Variants in CHLSN observed in about 807,000 individuals in gnomAD.
CHLSN encodes cholesin, also known as protein cholesin.
chr7:987,027 G>A, the CHLSN span: 2 of 1,412,542 alleles, frequency 1.4e-6, no homozygotes, highest in South Asian at 3.0e-5. Flanking sequence ...ATCCATAGTG[G>A]AGCCCAGGGC....
the CHLSN span, among the ~76,000 whole-genome samples, chr7:1,005,969 G>A: frequency 2.6e-5 from 4 of 152,254 alleles, no homozygotes; most frequent in South Asian, 2.1e-4. Flanking sequence ...TGCCCCCAAC[G>A]TGAACACCCA....
the CHLSN span, among the ~76,000 whole-genome samples, chr7:1,086,564 T>A: frequency 2.0e-5 from 3 of 152,234 alleles, no homozygotes; most frequent in Non-Finnish European, 2.9e-5. Flanking sequence ...TGAAAGACTT[T>A]AAATTGCTAT....
At chr7:1,079,580 A>G in the CHLSN span, among the ~76,000 whole-genome samples, 1 of 152,256 alleles carries the variant, frequency 6.6e-6, no homozygotes, top group African/African-American at 2.4e-5. Flanking sequence ...TCAATAAACC[A>G]GCGTGCTGAG....
the CHLSN span, among the ~76,000 whole-genome samples, chr7:1,084,272 G>A: frequency 7.1e-3 from 1,087 of 152,344 alleles, 12 homozygotes; most frequent in Middle Eastern, 0.02. Context: ...CATGTCACGC[G>A]GAGGCGGGGG....
the CHLSN span, among the ~76,000 whole-genome samples, chr7:1,016,135 G>T: frequency 7.2e-5 from 4 of 55,892 alleles, no homozygotes; most frequent in Admixed American, 3.9e-4. Context: ...AGCAGCACAC[G>T]CCAGCACACA....
At chr7:1,118,812 A>G in the CHLSN span, among the ~76,000 whole-genome samples, 1 of 151,336 alleles carries the variant, frequency 6.6e-6, no homozygotes, top group South Asian at 2.1e-4. Flanking sequence ...AAAAAAAAAA[A>G]AAAAAAAAAA....
chr7:1,129,589 G>GT, the CHLSN span, among the ~76,000 whole-genome samples: 1 of 152,214 alleles, frequency 6.6e-6, no homozygotes, highest in African/African-American at 2.4e-5. Flanking sequence ...GTAACCACAG[G>GT]CGCATGCCAC....
the CHLSN span, among the ~76,000 whole-genome samples, chr7:1,027,662 G>C: frequency 2.0e-5 from 3 of 152,276 alleles, no homozygotes; most frequent in African/African-American, 7.2e-5. Flanking sequence ...AGTTGACACA[G>C]CTTCGCACTA....
At chr7:1,060,813 C>A in the CHLSN span, among the ~76,000 whole-genome samples, 54 of 152,368 alleles carry the variant, frequency 3.5e-4, no homozygotes, top group East Asian at 8.3e-3. Context: ...GGTGTAAGGG[C>A]CGCGTCTCTG....
At chr7:1,037,514 C>T in the CHLSN span, among the ~76,000 whole-genome samples, 4 of 142,592 alleles carry the variant, frequency 2.8e-5, no homozygotes, top group Admixed American at 7.0e-5. Context: ...CCCGAGGTGC[C>T]GGGATTGCAG....
the CHLSN span, chr7:983,370 C>A: frequency 6.6e-7 from 1 of 1,525,664 alleles, no homozygotes; most frequent in East Asian, 2.5e-5. Flanking sequence ...CGCAACAGGA[C>A]CGGTCCCTGA....
chr7:1,050,455 C>T, the CHLSN span, among the ~76,000 whole-genome samples: 1 of 152,246 alleles, frequency 6.6e-6, no homozygotes, highest in African/African-American at 2.4e-5. Flanking sequence ...CCATCGGTCC[C>T]TGTGGCTTGG....
chr7:997,710 A>ATCAGGGCTTCCGCCTTCTGCACCGTCAGC, the CHLSN span: 1 of 1,611,454 alleles, frequency 6.2e-7, no homozygotes. Flanking sequence ...CAGCTCCCGC[A>ATCAGGGCTTCCGCCTTCTGCACCGTCAGC]TCAGGGCTTC....
the CHLSN span, chr7:1,000,365 G>C: frequency 1.0e-6 from 1 of 971,788 alleles, no homozygotes; most frequent in South Asian, 1.6e-5. Flanking sequence ...CGGGAGACGT[G>C]CCTGCCCCGC....
the CHLSN span, among the ~76,000 whole-genome samples, chr7:1,037,017 G>A: frequency 6.8e-6 from 1 of 147,242 alleles, no homozygotes; most frequent in Non-Finnish European, 1.5e-5. Flanking sequence ...AGGCTGAGGT[G>A]AAAGGATTGC....
chr7:1,115,537 T>TGAC, the CHLSN span, among the ~76,000 whole-genome samples: 1 of 144,240 alleles, frequency 6.9e-6, no homozygotes, highest in African/African-American at 2.6e-5. Flanking sequence ...CCATGCAGGA[T>TGAC]GACATCACTA....
chr7:1,034,773 C>T, the CHLSN span, among the ~76,000 whole-genome samples: 2 of 148,654 alleles, frequency 1.3e-5, no homozygotes, highest in Non-Finnish European at 3.0e-5. Flanking sequence ...CCACCCTCCA[C>T]CCTCCTTTTC....
At chr7:1,070,903 TGCACGCACACACACAGCACGCACAG>T in the CHLSN span, among the ~76,000 whole-genome samples, 1 of 133,348 alleles carries the variant, frequency 7.5e-6, no homozygotes, top group Non-Finnish European at 1.6e-5. Context: ...TGCACACACA[TGCACGCACACACACAGCACGCACAG>T]ACACGCACAC....
the CHLSN span, among the ~76,000 whole-genome samples, chr7:1,114,443 G>A: frequency 1.3e-5 from 2 of 152,228 alleles, no homozygotes; most frequent in Non-Finnish European, 2.9e-5. Flanking sequence ...TGCCTTGGTT[G>A]GACTCGATGT....
Sources: allele counts gnomAD v4.1 joint callset (sites outside exome capture counted in the v4.1 genomes callset), GRCh38; gene constraint gnomAD v4.1.1; transcripts MANE v1.5; gene names NCBI Gene and HGNC (gene_info 2026-07-23, HGNC 2026-07-21).